IRAG1: variants seen among roughly 807,000 people sequenced by gnomAD.
IRAG1 encodes IP3R-associated cGMP kinase substrate.
In IRAG1, 62 loss-of-function variants were observed where a neutral mutation model predicts 106.2. That is an observed-to-expected ratio of 0.58 (90% CI 0.48 to 0.72). The LOEUF is 0.72. Among genes scored for constraint, IRAG1 ranks in the 30% least tolerant of loss-of-function variants. The pLI is 0.00. For synonymous variants in IRAG1, 462 were observed against 443.9 expected (o/e 1.04, Z -0.51); for missense variants, 1,064 against 1,140.7 (o/e 0.93, Z 0.97).
At chr11:10,693,360 C>T (rs1862211560) in intron 1 of IRAG1, 176 bp downstream of exon 1, 1 of 1,273,888 alleles carries the variant, frequency 7.8e-7, no homozygotes, top group Non-Finnish European at 1.0e-6. Flanking sequence ...TGATTTAAAA[C>T]TTAAGACAGC....
intron 9 of IRAG1, among the ~76,000 whole-genome samples, 173 bp from the exon 10 acceptor site, chr11:10,624,029 TC>T (rs1856040461): frequency 6.6e-6 from 1 of 151,874 alleles, no homozygotes; most frequent in Non-Finnish European, 1.5e-5. Context: ...AGGAAATAGT[TC>T]CTCTCCCAGT....
chr11:10,608,169 G>A (rs1460637297), intron 11 of IRAG1, among the ~76,000 whole-genome samples: 3 of 152,158 alleles, frequency 2.0e-5, no homozygotes, highest in African/African-American at 7.2e-5. Context: ...AGGCTGGAGT[G>A]CAGTGGCAGG....
At position 10,625,950 on chromosome 11, in the gene IRAG1, GC is replaced by G; in HGVS notation, c.1368+15del. On this transcript the variant is annotated intron_variant, in intron 9 of 20. Transcript: ENST00000423302. ...CTGGAGTACACACTCTGCCCAACTG[GC>G]CCCCAGGAACCCACCTCTCGGAGCT... 1 of 1,459,216 alleles carries G rather than the reference GC, an allele frequency of 6.9e-7. No individual in the cohort carries two copies. 90.4% of individuals were successfully genotyped at this position (1,459,216 alleles called of 1,614,324 possible). A position where few individuals can be genotyped will look rare whatever the true frequency, so the allele number is the denominator to read the frequency against.
intron 1 of IRAG1, among the ~76,000 whole-genome samples, chr11:10,677,695 T>A (rs1252067398): frequency 6.6e-6 from 1 of 152,238 alleles, no homozygotes; most frequent in Non-Finnish European, 1.5e-5. Flanking sequence ...ACATTCACAA[T>A]GCTGTGCACC....
chr11:10,661,591 G>A (rs761785413), intron 1 of IRAG1, among the ~76,000 whole-genome samples: 5 of 152,120 alleles, frequency 3.3e-5, no homozygotes, highest in Admixed American at 6.5e-5. Flanking sequence ...GCCTACATTC[G>A]TTGGCTGGTG....
Position 10,603,195 on chromosome 11 carries a change from C to T in IRAG1, c.1800G>A (p.Leu600=), listed in dbSNP as rs934155094. 2 of 1,613,106 alleles carry T rather than the reference C, an allele frequency of 1.2e-6. No individual in the cohort carries two copies. The highest frequency in any genetic ancestry group is 1.3e-5 in the African/African-American group (1 of 74,890). ...CEHRETYQKL[L]EDIAVLHRLA... ...GGCGGTGCAGGACAGCGATGTCCTC[C>T]AGCAACTTCTGGTAGGTTTCCCGGT... The change falls in exon 14 of 21, where the codon CTG becomes CTA. Residue 600 remains leucine, a synonymous_variant. Transcript: ENST00000423302.
At chr11:10,674,872 G>A (rs1230010379) in intron 1 of IRAG1, among the ~76,000 whole-genome samples, 1 of 152,222 alleles carries the variant, frequency 6.6e-6, no homozygotes, top group African/African-American at 2.4e-5. Context: ...GATTTAGCGA[G>A]AGTCCAAGCT....
chr11:10,688,979 G>A (rs1469384131), intron 1 of IRAG1, among the ~76,000 whole-genome samples: 2 of 152,118 alleles, frequency 1.3e-5, no homozygotes, highest in African/African-American at 2.4e-5. Context: ...GTTGCTGTGA[G>A]GACTGAATGA....
intron 10 of IRAG1, among the ~76,000 whole-genome samples, chr11:10,616,231 T>A (rs1292762931): frequency 6.8e-6 from 1 of 147,884 alleles, no homozygotes; most frequent in Non-Finnish European, 1.5e-5. Context: ...AGGTGGAGCT[T>A]GCAGTGAGCT....
intron 15 of IRAG1, chr11:10,599,667 A>G (rs1462412887): frequency 6.6e-6 from 1 of 152,206 alleles, no homozygotes; most frequent in Non-Finnish European, 1.5e-5. Context: ...AGCTCTTGGT[A>G]ACACGGATGT....
intron 2 of IRAG1, among the ~76,000 whole-genome samples, chr11:10,643,114 A>G (rs763724168): frequency 5.7e-5 from 8 of 141,210 alleles, no homozygotes; most frequent in Admixed American, 3.0e-4. Context: ...GGCGGAGCTT[A>G]CAGTGAGCCT....
At chr11:10,600,894 T>C in intron 15 of IRAG1, 24 bp downstream of exon 15, 2 of 1,613,492 alleles carry the variant, frequency 1.2e-6, no homozygotes, top group East Asian at 4.5e-5. Context: ...AGGGCCAAGA[T>C]GGGGCAGGAG....
In IRAG1 at chr11:10,633,155, A is replaced by G. The variant is rs548072064; in HGVS notation, c.329+813T>C. On this transcript the variant is annotated intron_variant, in intron 3 of 20. Transcript: ENST00000423302. ...AGTGGCGCGATCTGGGCTCACTGCA[A>G]GCTCCGCCTCCCGGGTTCACGCCAT... Among the ~76,000 whole-genome samples the G allele has an allele frequency of 5.0e-3, 749 of 149,690 alleles. 6 individuals carry two copies. Among genetic ancestry groups the G allele is most frequent in the Non-Finnish European group, 6.9e-3 (466 of 67,650 alleles).
intron 20 of IRAG1, among the ~76,000 whole-genome samples, chr11:10,578,020 A>C (rs1851005273): frequency 6.6e-6 from 1 of 152,138 alleles, no homozygotes. Context: ...TTGGGGCTGT[A>C]TTTCCATCCT....
intron 17 of IRAG1, among the ~76,000 whole-genome samples, chr11:10,592,517 C>T (rs1365804687): frequency 6.6e-6 from 1 of 152,120 alleles, no homozygotes; most frequent in Non-Finnish European, 1.5e-5. Context: ...ATTGGTATTA[C>T]ATAGAGCTTG....
chr11:10,622,876 G>GACACAAACACACACACACACACACACAC (rs1855940395), intron 10 of IRAG1, among the ~76,000 whole-genome samples: 1 of 141,384 alleles, frequency 7.1e-6, no homozygotes, highest in Non-Finnish European at 1.6e-5. Context: ...GTAAGCAGTG[G>GACACAAACACACACACACACACACACAC]ACACACACAC....
Position 10,601,184 on chromosome 11 carries a change from C to T in IRAG1, c.1876-125G>A. On this transcript the variant is annotated intron_variant, in intron 14 of 20. Coordinates refer to ENST00000423302, the MANE Select transcript of IRAG1 (RefSeq NM_130385.4). ...GGATACAGGGACAAGACTCTGCCCTCTGAAGAGTTTGCTGTCTGCCATGTG... is the reference window on the plus strand; with the variant it reads ...GGATACAGGGACAAGACTCTGCCCTTTGAAGAGTTTGCTGTCTGCCATGTG... 5 of 1,335,680 alleles carry T rather than the reference C, an allele frequency of 3.7e-6. No homozygotes were observed. In the South Asian group the frequency reaches 5.5e-5, roughly 15 times the overall value. The allele number at this position is 1,335,680 out of a possible 1,614,324, so 82.7% of individuals were successfully genotyped here.
intron 1 of IRAG1, among the ~76,000 whole-genome samples, chr11:10,684,883 A>T (rs751198841): frequency 6.6e-6 from 1 of 152,168 alleles, no homozygotes; most frequent in Non-Finnish European, 1.5e-5. Flanking sequence ...AGACTATGTG[A>T]ATATCACATA....
chr11:10,617,225 C>T (rs1336523036), intron 10 of IRAG1: 1 of 983,654 alleles, frequency 1.0e-6, no homozygotes, highest in African/African-American at 1.7e-5. Context: ...GAATAAAAAT[C>T]ATTTCAAGAG....
Sources: allele counts gnomAD v4.1 joint callset (sites outside exome capture counted in the v4.1 genomes callset), GRCh38; gene constraint gnomAD v4.1.1; transcripts MANE v1.5; gene names NCBI Gene and HGNC (gene_info 2026-07-23, HGNC 2026-07-21).